The following FRY variants were observed in gnomAD, a reference collection of about 807,000 sequenced individuals.
FRY encodes protein furry homolog.
FRY carries 128 observed loss-of-function variants against 348.4 expected under a neutral mutation model. The observed-to-expected ratio is 0.37, with a 90% confidence interval of 0.32 to 0.43. The LOEUF (loss-of-function observed/expected upper bound fraction) is 0.43. Among genes scored for constraint, FRY ranks in the 20% least tolerant of loss-of-function variants. FRY has a pLI of 1.00. For missense variants in FRY, 2,736 were observed against 3,695.2 expected (o/e 0.74, Z 6.73); for synonymous variants, 1,370 against 1,374.7 (o/e 1.00, Z 0.08).
At chr13:32,085,012 G>T (rs540173196) in intron 2 of FRY, among the ~76,000 whole-genome samples, 3 of 152,136 alleles carry the variant, frequency 2.0e-5, no homozygotes, top group Non-Finnish European at 4.4e-5. Flanking sequence ...AGCTTGAAAA[G>T]AATGTCTTTA....
chr13:32,096,588 T>C (rs448682), intron 2 of FRY, among the ~76,000 whole-genome samples: 126,027 of 151,766 alleles, frequency 0.83, 52,803 homozygotes, highest in Non-Finnish European at 0.89. Context: ...GTCAGGGGTT[T>C]GAGACCAGCC....
chr13:32,042,415 C>G (rs928900291), intron 1 of FRY, among the ~76,000 whole-genome samples: 2 of 152,148 alleles, frequency 1.3e-5, no homozygotes, highest in Non-Finnish European at 2.9e-5. Context: ...TTTTAGTATA[C>G]TTTTGCTATA....
chr13:32,287,026 G>A (rs547531470), intron 58 of FRY, among the ~76,000 whole-genome samples: 28 of 151,598 alleles, frequency 1.8e-4, no homozygotes, highest in East Asian at 3.9e-4. Context: ...TTAGCCAGGC[G>A]TGGTGGCACG....
intron 51 of FRY, among the ~76,000 whole-genome samples, chr13:32,259,729 C>T (rs932222469): frequency 1.3e-5 from 2 of 152,002 alleles, no homozygotes; most frequent in African/African-American, 4.8e-5. Context: ...TATTTTCTTC[C>T]TTTCTTTACA....
At chr13:32,256,363 C>T (rs1180789530) in intron 51 of FRY, among the ~76,000 whole-genome samples, 1 of 152,048 alleles carries the variant, frequency 6.6e-6, no homozygotes, top group Non-Finnish European at 1.5e-5. Context: ...CAGAGCAAGA[C>T]CCTGTCTCTA....
chr13:32,133,822 C>T (rs1427780649), intron 8 of FRY, among the ~76,000 whole-genome samples: 1 of 141,628 alleles, frequency 7.1e-6, no homozygotes, highest in East Asian at 2.1e-4. Flanking sequence ...CTCTGTCACC[C>T]AGGCTGGAGT....
chr13:32,099,729 C>T (rs1362053405), intron 2 of FRY, among the ~76,000 whole-genome samples: 1 of 151,808 alleles, frequency 6.6e-6, no homozygotes, highest in Non-Finnish European at 1.5e-5. Flanking sequence ...TCAGAAATTT[C>T]AGTTTGGAAA....
At chr13:32,161,057 T>G (rs981100216) in intron 16 of FRY, 87 bp from the exon 17 acceptor site, 5 of 875,026 alleles carry the variant, frequency 5.7e-6, no homozygotes, top group African/African-American at 4.9e-5. Flanking sequence ...AGGCATGGAT[T>G]CTAGTCTTTG....
At chr13:32,271,997 CAAT>C (rs1309887978) in intron 55 of FRY, among the ~76,000 whole-genome samples, 6 of 151,998 alleles carry the variant, frequency 3.9e-5, no homozygotes, top group South Asian at 2.1e-4. Context: ...AGCTTATCTG[CAAT>C]AATAATAATA....
intron 3 of FRY, among the ~76,000 whole-genome samples, chr13:32,103,944 C>G (rs754275954): frequency 4.6e-5 from 7 of 151,380 alleles, no homozygotes; most frequent in Non-Finnish European, 1.0e-4. Flanking sequence ...ACCTGGGTAA[C>G]AGTGAGACCG....
At chr13:32,198,855 C>G (rs1883842492) in intron 29 of FRY, among the ~76,000 whole-genome samples, 1 of 152,098 alleles carries the variant, frequency 6.6e-6, no homozygotes, top group African/African-American at 2.4e-5. Flanking sequence ...ATTAATAAAC[C>G]TATTTTGGAT....
intron 2 of FRY, among the ~76,000 whole-genome samples, chr13:32,095,314 T>C (rs1876615379): frequency 6.6e-6 from 1 of 151,764 alleles, no homozygotes; most frequent in African/African-American, 2.4e-5. Context: ...ACTTTGTTGA[T>C]TGTTTCCTTT....
chr13:32,124,961 G>C, intron 7 of FRY, 86 bp downstream of exon 7: 1 of 971,502 alleles, frequency 1.0e-6, no homozygotes, highest in South Asian at 1.3e-5. Flanking sequence ...TTGGGGTTGA[G>C]CTTACAAGGA....
intron 14 of FRY, among the ~76,000 whole-genome samples, chr13:32,154,255 TTTTTAAAGTAATATTC>T (rs1880973680): frequency 6.6e-6 from 1 of 152,178 alleles, no homozygotes. Context: ...CACGGATTAT[TTTTTAAAGTAATATTC>T]TTTCATTCTA....
At chr13:32,265,066 T>C (rs1025938724) in intron 53 of FRY, among the ~76,000 whole-genome samples, 1 of 152,226 alleles carries the variant, frequency 6.6e-6, no homozygotes, top group African/African-American at 2.4e-5. Flanking sequence ...ATTCTAAGTA[T>C]GGACCTGATA....
At chr13:32,107,286 G>A (rs1877617195) in intron 3 of FRY, among the ~76,000 whole-genome samples, 1 of 152,218 alleles carries the variant, frequency 6.6e-6, no homozygotes, top group African/African-American at 2.4e-5. Flanking sequence ...GAACCTGGGA[G>A]GCAGAGGTTG....
intron 47 of FRY, among the ~76,000 whole-genome samples, chr13:32,245,876 T>C (rs910991850): frequency 6.6e-6 from 1 of 152,252 alleles, no homozygotes; most frequent in African/African-American, 2.4e-5. Context: ...AGGTTCTCTC[T>C]GGAAGCTCAT....
At chr13:32,286,549 C>A (rs1020751483) in intron 58 of FRY, among the ~76,000 whole-genome samples, 3 of 151,732 alleles carry the variant, frequency 2.0e-5, no homozygotes, top group Non-Finnish European at 4.4e-5. Context: ...AGATCAAGAC[C>A]ATCCTGGCTA....
Position 32,106,635 on chromosome 13 carries a change from C to T in FRY, c.324+4619C>T, listed in dbSNP as rs554223461. Among the ~76,000 whole-genome samples the T allele has an allele frequency of 2.6e-4, 40 of 152,298 alleles. No homozygotes were observed. The South Asian group carries it at 7.4e-3, about 28-fold the overall frequency. Reference sequence around the variant, plus strand: ...AAAAACAAAAAACAAAACTTTCCAACATAGCATATACCATTTCTACTTATA... The same window carrying T: ...AAAAACAAAAAACAAAACTTTCCAATATAGCATATACCATTTCTACTTATA... On this transcript the variant is annotated intron_variant, in intron 3 of 60. Coordinates refer to ENST00000542859, the MANE Select transcript of FRY (RefSeq NM_023037.3).
Sources: allele counts gnomAD v4.1 joint callset (sites outside exome capture counted in the v4.1 genomes callset), GRCh38; gene constraint gnomAD v4.1.1; transcripts MANE v1.5; gene names NCBI Gene and HGNC (gene_info 2026-07-23, HGNC 2026-07-21).